CLN6: variants seen among roughly 807,000 people sequenced by gnomAD.
The protein encoded by CLN6 is CLN6 transmembrane ER protein.
In CLN6, 22 loss-of-function variants were observed where a neutral mutation model predicts 33.3. The observed-to-expected ratio is 0.66, with a 90% confidence interval of 0.47 to 0.94. The LOEUF is 0.94. CLN6 is among the 40% of genes least tolerant of loss of function. The probability of loss-of-function intolerance (pLI) is 0.00; values close to 1 mark genes in which losing one functional copy is unlikely to be tolerated. For missense variants in CLN6, 387 were observed against 417.1 expected (o/e 0.93, Z 0.63); for synonymous variants, 201 against 174.6 (o/e 1.15, Z -1.19).
At position 68,209,877 on chromosome 15, in the gene CLN6, G is replaced by A; in HGVS notation, c.543-118C>T. The A allele has an allele frequency of 2.1e-6, 3 of 1,420,594 alleles. No homozygotes were observed. Among genetic ancestry groups the A allele is most frequent in the South Asian group, 1.2e-5 (1 of 86,516 alleles). The allele number at this position is 1,420,594 out of a possible 1,614,324, so 88.0% of individuals were successfully genotyped here. ...CACGTCACAGTTTACAAAACGCCTAGCCTGGGTGAGAGGCGCTCCTCTCCA... is the reference window on the plus strand; with the variant it reads ...CACGTCACAGTTTACAAAACGCCTAACCTGGGTGAGAGGCGCTCCTCTCCA... On this transcript the variant is annotated intron_variant, in intron 5 of 6. Coordinates refer to ENST00000249806, the MANE Select transcript of CLN6 (RefSeq NM_017882.3). The surrounding 1 kb of genome is among the most constrained non-coding windows in gnomAD (Gnocchi z 4.9).
Position 68,229,540 on chromosome 15 carries a change from GC to G in CLN6, c.44del (p.Gly15AlafsTer18). The stretch of plus-strand genomic sequence containing the variant: ...AGGAGGCGCCCAGCTGCGCGCCTGG[GC>G]CGCCCGTCGCTCCCAGGTGCTGCCG... The part of the protein sequence containing the change: ...RRRQHLGATG[G>X]PGAQLGASFL... On this transcript the variant is annotated frameshift_variant, in exon 1 of 7. Coordinates refer to ENST00000249806, the MANE Select transcript of CLN6 (RefSeq NM_017882.3). 1 of 1,467,786 alleles carries G rather than the reference GC, an allele frequency of 6.8e-7. No individual in the cohort carries two copies. Among genetic ancestry groups the G allele is most frequent in the Non-Finnish European group, 9.0e-7 (1 of 1,114,750 alleles). The allele number at this position is 1,467,786 out of a possible 1,614,324, so 90.9% of individuals were successfully genotyped here.
intron 1 of CLN6, among the ~76,000 whole-genome samples, chr15:68,249,867 G>C (rs12148307): frequency 0.48 from 72,318 of 151,992 alleles, 17,999 homozygotes; most frequent in Non-Finnish European, 0.55. Context: ...CTGCCTCCCG[G>C]GTTCAAGCGA....
At chr15:68,226,089 G>A (rs2093250942) in intron 1 of CLN6, among the ~76,000 whole-genome samples, 1 of 151,836 alleles carries the variant, frequency 6.6e-6, no homozygotes, top group Admixed American at 6.6e-5. Flanking sequence ...GGAGGCTGAG[G>A]CGGGTGAATC....
At chr15:68,231,498 C>A (rs575680877), upstream of CLN6, among the ~76,000 whole-genome samples, 5 of 152,222 alleles carry the variant, frequency 3.3e-5, no homozygotes, top group Non-Finnish European at 7.3e-5. Context: ...TCGGTATACA[C>A]CAGAGAAGAA....
chr15:68,256,716 C>T lies in CLN6; in HGVS notation c.153G>A (p.Leu51=), dbSNP rs778144558. 43 of 681,280 alleles carry T rather than the reference C, an allele frequency of 6.3e-5. 1 individual carries two copies. The highest frequency in any genetic ancestry group is 1.6e-5 in the Non-Finnish European group (6 of 375,366). 42.2% of individuals were successfully genotyped at this position (681,280 alleles called of 1,614,324 possible). ...TTTTACCTTTGAATTTGAGTTTTCTCAGCGAAGTCTCACAGGACAATGGCG... is the reference window on the plus strand; with the variant it reads ...TTTTACCTTTGAATTTGAGTTTTCTTAGCGAAGTCTCACAGGACAATGGCG... The change falls in exon 1 of 7, where the codon CTG becomes CTA. Residue 51 remains leucine, a synonymous_variant. Coordinates refer to the CLN6 transcript ENST00000538696. This position sits in a 1 kb window ranked among gnomAD's most constrained non-coding sequence, Gnocchi z 4.1.
intron 1 of CLN6, among the ~76,000 whole-genome samples, chr15:68,222,161 CCCCTCT>C (rs2093238793): frequency 1.4e-5 from 2 of 144,040 alleles, no homozygotes; most frequent in African/African-American, 2.6e-5. Context: ...AGGTGAGGAG[CCCCTCT>C]GCCCGGCCGC....
intron 1 of CLN6, among the ~76,000 whole-genome samples, chr15:68,250,006 C>T (rs1292278350): frequency 2.6e-5 from 4 of 152,048 alleles, no homozygotes; most frequent in East Asian, 1.9e-4. Context: ...CTCCTGACCT[C>T]GTGATCCACC....
upstream of CLN6, chr15:68,229,767 A>AACGGAGCGGAGGGAGGCGGG: frequency 3.1e-6 from 1 of 317,896 alleles, no homozygotes. Flanking sequence ...AGCGGAGCGG[A>AACGGAGCGGAGGGAGGCGGG]GCGGAGCGGA....
chr15:68,222,430 GCGCC>G (rs2093240018), intron 1 of CLN6, among the ~76,000 whole-genome samples: 1 of 146,030 alleles, frequency 6.8e-6, no homozygotes, highest in African/African-American at 2.6e-5. Context: ...GATGTGAGGA[GCGCC>G]TCTGCCCGGC....
intron 1 of CLN6, among the ~76,000 whole-genome samples, chr15:68,239,408 G>A (rs1156414386): frequency 2.6e-5 from 4 of 152,050 alleles, no homozygotes; most frequent in Non-Finnish European, 5.9e-5. Context: ...TGTTAGGTTG[G>A]TGAAAAAGAA....
In CLN6 at chr15:68,211,696, C is replaced by T. The variant is rs1388529705; in HGVS notation, c.465G>A (p.Lys155=). The stretch of plus-strand genomic sequence containing the variant: ...TCACCAGCGTCTCCGGCTTGAGATT[C>T]TTGATGATGGGGTTCTCACGGACAG... ...HLSVRENPII[K]NLKPETLIDS... The change falls in exon 4 of 7, where the codon AAG becomes AAA. Residue 155 remains lysine, a synonymous_variant. Transcript: ENST00000249806. The surrounding 1 kb of genome is among the most constrained non-coding windows in gnomAD (Gnocchi z 5.9). 2.5e-6 allele frequency: 4 copies of T among 1,613,784 alleles called. No homozygotes were observed. In the South Asian group the frequency reaches 3.3e-5, roughly 13 times the overall value.
chr15:68,214,173 C>G, intron 3 of CLN6, 117 bp downstream of exon 3: 1 of 801,762 alleles, frequency 1.2e-6, no homozygotes, highest in Non-Finnish European at 2.1e-6. Context: ...ACAGCCTTCA[C>G]CCCCCAGCAG....
chr15:68,219,558 C>T lies in CLN6; in HGVS notation c.84-908G>A, dbSNP rs1336696709. Among the ~76,000 whole-genome samples the T allele has an allele frequency of 6.6e-6, 1 of 152,174 alleles. No individual in the cohort carries two copies. Among genetic ancestry groups the T allele is most frequent in the Non-Finnish European group, 1.5e-5 (1 of 68,044 alleles). On this transcript the variant is annotated intron_variant, in intron 1 of 6. Coordinates refer to ENST00000249806, the MANE Select transcript of CLN6 (RefSeq NM_017882.3). This position sits in a 1 kb window ranked among gnomAD's most constrained non-coding sequence, Gnocchi z 4.2. ...TCACAGATGCACTGAAGTTCCAGGA[C>T]CAGTGCTGCCTCCTCTGGGAAGGCT...
intron 3 of CLN6, chr15:68,214,074 G>A: frequency 1.9e-6 from 1 of 522,328 alleles, no homozygotes; most frequent in East Asian, 3.4e-5. Flanking sequence ...CAAATCAAAA[G>A]CCCTTTCTTG....
At chr15:68,251,836 GAATT>G (rs34789893) in intron 1 of CLN6, among the ~76,000 whole-genome samples, 38,878 of 151,722 alleles carry the variant, frequency 0.26, 5,719 homozygotes, top group Non-Finnish European at 0.34. Flanking sequence ...CAAATTATTA[GAATT>G]AATAAGAGAG....
chr15:68,219,350 C>T lies in CLN6; in HGVS notation c.84-700G>A, dbSNP rs1165873631. 6.6e-6 allele frequency among the ~76,000 whole-genome samples: 1 copy of T among 152,166 alleles called. No individual in the cohort carries two copies. Among genetic ancestry groups the T allele is most frequent in the Middle Eastern group, 3.2e-3 (1 of 316 alleles). On this transcript the variant is annotated intron_variant, in intron 1 of 6. Transcript: ENST00000249806. This position sits in a 1 kb window ranked among gnomAD's most constrained non-coding sequence, Gnocchi z 4.2. ...GATAGGGCCTCCTGCTCGCTTGATT[C>T]CAGCACTGTGAGGAGGTCAGGTTGG...
rs1208085336 is a variant in CLN6 at position 68,218,648 on chromosome 15, T to C, written c.86A>G (p.His29Arg). 13 of 1,612,690 alleles carry C rather than the reference T, an allele frequency of 8.1e-6. No homozygotes were observed. The highest frequency in any genetic ancestry group is 1.1e-5 in the Non-Finnish European group (13 of 1,179,118). The change falls in exon 2 of 7, where the codon CAT becomes CGT. Residue 29 changes from histidine to arginine, a missense_variant and splice_region_variant. Transcript: ENST00000249806. ...QLGASFLQAR[H>R]GSVSADEAAR... ...AGCCTCATCAGCGCTCACAGAGCCA[T>C]GCCTGGGAAGGAACCAGACGAGAGA...
chr15:68,249,566 C>G (rs970457994), intron 1 of CLN6, among the ~76,000 whole-genome samples: 1 of 152,098 alleles, frequency 6.6e-6, no homozygotes, highest in African/African-American at 2.4e-5. Context: ...TGAAGCCAAG[C>G]ACAGAAAGAC....
intron 2 of CLN6, among the ~76,000 whole-genome samples, chr15:68,216,007 G>C (rs2141142939): frequency 6.6e-6 from 1 of 152,258 alleles, no homozygotes; most frequent in East Asian, 1.9e-4. Context: ...TAACAAATTT[G>C]CAACTATTAT....
Sources: gnomAD v4.1 joint callset for allele counts (sites outside exome capture counted in the v4.1 genomes callset) on GRCh38, gnomAD v4.1.1 for gene constraint, Gnocchi (gnomAD v3.1) non-coding constraint, MANE v1.5 for transcripts, NCBI Gene and HGNC (gene_info 2026-07-23, HGNC 2026-07-21) for gene names.